SLC44A1: variants seen among roughly 807,000 people sequenced by gnomAD.
SLC44A1 encodes the protein choline transporter-like protein 1.
A neutral mutation model predicts 79.3 loss-of-function variants in SLC44A1; 26 were observed. The ratio of observed to expected loss-of-function variants is 0.33; its 90% CI spans 0.24 to 0.46. The LOEUF is 0.46. Among genes scored for constraint, SLC44A1 ranks in the 20% least tolerant of loss-of-function variants. The pLI, the probability that SLC44A1 is intolerant of heterozygous loss-of-function variation, is 1.00. For synonymous variants in SLC44A1, 263 were observed against 286.2 expected (o/e 0.92, Z 0.82); for missense variants, 688 against 798.1 (o/e 0.86, Z 1.66).
chr9:105,304,950 T>G (rs1830982038), intron 2 of SLC44A1, among the ~76,000 whole-genome samples: 1 of 71,664 alleles, frequency 1.4e-5, no homozygotes, highest in African/African-American at 8.9e-5. Flanking sequence ...TATCGTTTTT[T>G]TTTTTTTTTT....
chr9:105,316,868 A>G (rs907043547), intron 3 of SLC44A1, among the ~76,000 whole-genome samples: 5 of 152,234 alleles, frequency 3.3e-5, no homozygotes, highest in Non-Finnish European at 7.3e-5. Flanking sequence ...TTAAACAATG[A>G]AGTTCTGTAA....
At chr9:105,406,375 T>C (rs1829029634) in intron 15 of SLC44A1, among the ~76,000 whole-genome samples, 1 of 152,110 alleles carries the variant, frequency 6.6e-6, no homozygotes, top group African/African-American at 2.4e-5. Flanking sequence ...ATGCAAAATG[T>C]CCAGTTTTCA....
At chr9:105,247,737 T>C (rs1053052338) in intron 1 of SLC44A1, among the ~76,000 whole-genome samples, 3 of 152,240 alleles carry the variant, frequency 2.0e-5, no homozygotes, top group African/African-American at 7.2e-5. Flanking sequence ...TTGTACTTAA[T>C]AGTTGCTCAG....
intron 1 of SLC44A1, among the ~76,000 whole-genome samples, chr9:105,264,920 C>T (rs112347778): frequency 6.6e-6 from 1 of 152,072 alleles, no homozygotes; most frequent in Non-Finnish European, 1.5e-5. Flanking sequence ...CCTCAGCCTC[C>T]CGAGTAGCTG....
At chr9:105,361,022 A>G (rs934466320) in intron 7 of SLC44A1, among the ~76,000 whole-genome samples, 169 bp from the exon 8 acceptor site, 1 of 152,226 alleles carries the variant, frequency 6.6e-6, no homozygotes. Flanking sequence ...AGCAATGGAC[A>G]CTTTCTTTAT....
chr9:105,346,273 A>C (rs1827244449), intron 4 of SLC44A1, among the ~76,000 whole-genome samples: 1 of 152,124 alleles, frequency 6.6e-6, no homozygotes, highest in Non-Finnish European at 1.5e-5. Context: ...ATCAGAGATA[A>C]GGCTATTATC....
chr9:105,352,835 G>A (rs772838933), intron 5 of SLC44A1, among the ~76,000 whole-genome samples: 4 of 152,150 alleles, frequency 2.6e-5, no homozygotes, highest in East Asian at 3.9e-4. Flanking sequence ...TCAATGACTC[G>A]ATTATTACTT....
chr9:105,403,968 G>C (rs1351939348), intron 15 of SLC44A1, among the ~76,000 whole-genome samples: 1 of 151,908 alleles, frequency 6.6e-6, no homozygotes, highest in African/African-American at 2.4e-5. Context: ...GGAATGTTTG[G>C]AGATATTTGC....
chr9:105,412,864 A>G (rs951533658), intron 15 of SLC44A1, among the ~76,000 whole-genome samples: 2 of 151,950 alleles, frequency 1.3e-5, no homozygotes, highest in Non-Finnish European at 2.9e-5. Flanking sequence ...CGGCCTCCCA[A>G]AGTTCTAGGA....
In SLC44A1 at chr9:105,429,773, G is replaced by A. The variant is rs1195112529; in HGVS notation, c.1951-8508G>A. On this transcript the variant is annotated intron_variant, in intron 15 of 15. Coordinates refer to the SLC44A1 transcript ENST00000374724. Reference sequence around the variant, plus strand: ...CATTAACACTTAAATCTTCAAATACGGAGAAGCCTTTTAGGAACCATTTCA... The same window carrying A: ...CATTAACACTTAAATCTTCAAATACAGAGAAGCCTTTTAGGAACCATTTCA... 4.6e-5 allele frequency among the ~76,000 whole-genome samples: 7 copies of A among 152,012 alleles called. No homozygotes were observed. The South Asian group carries it at 6.2e-4, about 14-fold the overall frequency.
chr9:105,358,256 G>T, intron 6 of SLC44A1, 88 bp from the exon 7 acceptor site: 1 of 742,836 alleles, frequency 1.3e-6, no homozygotes, highest in Non-Finnish European at 2.3e-6. Context: ...TATTTCCCTG[G>T]GGAAAAAAGC....
intron 5 of SLC44A1, 109 bp downstream of exon 5, chr9:105,348,560 T>C (rs1827310292): frequency 3.2e-6 from 2 of 624,872 alleles, no homozygotes; most frequent in Non-Finnish European, 5.6e-6. Flanking sequence ...GTTGGCCAGG[T>C]CCAATACTTT....
intron 15 of SLC44A1, among the ~76,000 whole-genome samples, chr9:105,419,732 T>C (rs1829219442): frequency 6.6e-6 from 1 of 151,876 alleles, no homozygotes; most frequent in African/African-American, 2.4e-5. Flanking sequence ...CTGACCAATA[T>C]GATGAAACCT....
intron 1 of SLC44A1, among the ~76,000 whole-genome samples, chr9:105,293,104 C>T (rs1387884442): frequency 6.6e-6 from 1 of 152,168 alleles, no homozygotes; most frequent in Non-Finnish European, 1.5e-5. Flanking sequence ...CTGCAGTGAA[C>T]CATGATTGTG....
At position 105,389,941 on chromosome 9, in the gene SLC44A1, A is replaced by G. The variant is rs1828720399; in HGVS notation, c.*885A>G. Reference sequence around the variant, plus strand: ...TGGGAGGAATAAAGAAGGGACAGAAACATGGAACATAAAGCATTGAAAATT... The same window carrying G: ...TGGGAGGAATAAAGAAGGGACAGAAGCATGGAACATAAAGCATTGAAAATT... On this transcript the variant is annotated 3_prime_UTR_variant, in exon 16 of 16. Transcript: ENST00000374720. 2.0e-6 allele frequency: 3 copies of G among 1,510,886 alleles called. No homozygotes were observed. The African/African-American group carries it at 4.2e-5, about 21-fold the overall frequency. 93.6% of individuals were successfully genotyped at this position (1,510,886 alleles called of 1,614,324 possible).
chr9:105,352,847 A>AT (rs965234637), intron 5 of SLC44A1, among the ~76,000 whole-genome samples: 1 of 152,060 alleles, frequency 6.6e-6, no homozygotes, highest in Admixed American at 6.6e-5. Flanking sequence ...TTATTACTTA[A>AT]TTTTTTTTGA....
intron 15 of SLC44A1, among the ~76,000 whole-genome samples, chr9:105,408,517 C>T (rs533002382): frequency 1.8e-3 from 278 of 152,224 alleles, no homozygotes; most frequent in Non-Finnish European, 2.3e-3. Context: ...TCAAGTGATT[C>T]TCCTGCCTCA....
rs1049096406 is a variant in SLC44A1 at position 105,373,283 on chromosome 9, C to G, written c.1495-1315C>G. On this transcript the variant is annotated intron_variant, in intron 12 of 15. Coordinates refer to ENST00000374720, the MANE Select transcript of SLC44A1 (RefSeq NM_080546.5). ...TTAAGTCAGCACTAAACCCAAATTC[C>G]TCAGGACCAAAAGTTTTAGTCACAA... Among the ~76,000 whole-genome samples, 6 of 152,262 alleles carry G rather than the reference C, an allele frequency of 3.9e-5. No homozygotes were observed. The Middle Eastern group carries it at 0.01, about 259-fold the overall frequency.
intron 5 of SLC44A1, among the ~76,000 whole-genome samples, chr9:105,355,578 G>A (rs1827597843): frequency 6.6e-6 from 1 of 152,038 alleles, no homozygotes; most frequent in South Asian, 2.1e-4. Context: ...TACATTATAA[G>A]CATTTCCATA....
Sources: allele counts gnomAD v4.1 joint callset (sites outside exome capture counted in the v4.1 genomes callset), GRCh38; gene constraint gnomAD v4.1.1; transcripts MANE v1.5; gene names NCBI Gene and HGNC (gene_info 2026-07-23, HGNC 2026-07-21).